SLC35D4: variants seen among roughly 807,000 people sequenced by gnomAD.
The protein encoded by SLC35D4 is UDP-N-acetylglucosamine transporter SLC35D4.
chr18:23,405,796 A>G, the SLC35D4 span, among the ~76,000 whole-genome samples: 1 of 152,182 alleles, frequency 6.6e-6, no homozygotes, highest in South Asian at 2.1e-4. Flanking sequence ...CTGCTCAGGA[A>G]TAAGGATTTG....
chr18:23,239,368 A>G, the SLC35D4 span, among the ~76,000 whole-genome samples: 159 of 152,344 alleles, frequency 1.0e-3, no homozygotes, highest in Middle Eastern at 3.4e-3. Context: ...CTGGAGACCT[A>G]TGTTTCCTAT....
At chr18:23,295,071 C>G in the SLC35D4 span, among the ~76,000 whole-genome samples, 1 of 151,828 alleles carries the variant, frequency 6.6e-6, no homozygotes, top group Non-Finnish European at 1.5e-5. Context: ...TAGAGTTTTA[C>G]AGGAGCAAGA....
the SLC35D4 span, among the ~76,000 whole-genome samples, chr18:23,306,748 TG>T: frequency 3.3e-5 from 5 of 152,140 alleles, 1 homozygote; most frequent in South Asian, 4.2e-4. Flanking sequence ...TGCTATTCCA[TG>T]GGGGGGAAAA....
At chr18:23,344,327 G>A in the SLC35D4 span, among the ~76,000 whole-genome samples, 1 of 152,204 alleles carries the variant, frequency 6.6e-6, no homozygotes, top group African/African-American at 2.4e-5. Flanking sequence ...ACATGTGCAT[G>A]TGTCTTTATG....
the SLC35D4 span, among the ~76,000 whole-genome samples, chr18:23,360,777 T>C: frequency 6.6e-6 from 1 of 152,118 alleles, no homozygotes; most frequent in Non-Finnish European, 1.5e-5. Flanking sequence ...AAAATGTTTT[T>C]AAAGTACTAC....
chr18:23,255,826 A>G, the SLC35D4 span, among the ~76,000 whole-genome samples: 3 of 152,048 alleles, frequency 2.0e-5, no homozygotes, highest in Non-Finnish European at 4.4e-5. Flanking sequence ...CTCCCAAAGT[A>G]CTGGGATTTT....
At chr18:23,434,411 A>G in the SLC35D4 span, among the ~76,000 whole-genome samples, 1 of 152,172 alleles carries the variant, frequency 6.6e-6, no homozygotes, top group African/African-American at 2.4e-5. Context: ...TTCAGATTAT[A>G]TATTCCTGGG....
At chr18:23,291,441 AG>A in the SLC35D4 span, among the ~76,000 whole-genome samples, 25 of 152,376 alleles carry the variant, frequency 1.6e-4, no homozygotes, top group African/African-American at 5.0e-4. Context: ...CTTTTGTGGC[AG>A]GAATTCATTC....
At chr18:23,275,096 TTGTG>T in the SLC35D4 span, among the ~76,000 whole-genome samples, 25 of 149,898 alleles carry the variant, frequency 1.7e-4, no homozygotes, top group Non-Finnish European at 2.8e-4. Context: ...GTGTGCGTGC[TTGTG>T]TGTTTTTGTG....
At chr18:23,382,960 C>T in the SLC35D4 span, among the ~76,000 whole-genome samples, 3 of 152,182 alleles carry the variant, frequency 2.0e-5, no homozygotes, top group Non-Finnish European at 4.4e-5. Flanking sequence ...GTAGAGGAGG[C>T]ACAGACTTGG....
the SLC35D4 span, among the ~76,000 whole-genome samples, chr18:23,303,161 G>A: frequency 6.6e-6 from 1 of 152,208 alleles, no homozygotes; most frequent in African/African-American, 2.4e-5. Flanking sequence ...CCTAGTATAT[G>A]GACAAGGCAG....
At chr18:23,322,486 G>A in the SLC35D4 span, among the ~76,000 whole-genome samples, 2 of 152,156 alleles carry the variant, frequency 1.3e-5, no homozygotes, top group Non-Finnish European at 2.9e-5. Flanking sequence ...CAATCTTCCT[G>A]GCACAGTTAT....
At chr18:23,246,493 G>A in the SLC35D4 span, among the ~76,000 whole-genome samples, 13 of 151,904 alleles carry the variant, frequency 8.6e-5, no homozygotes, top group African/African-American at 1.5e-4. Context: ...CCGGGTTCAC[G>A]CCATTCTCCT....
At chr18:23,316,144 G>T in the SLC35D4 span, among the ~76,000 whole-genome samples, 2 of 152,192 alleles carry the variant, frequency 1.3e-5, no homozygotes, top group African/African-American at 4.8e-5. Context: ...CAGCCACAAG[G>T]CTCCAGAATG....
At chr18:23,404,332 G>C in the SLC35D4 span, among the ~76,000 whole-genome samples, 1 of 152,172 alleles carries the variant, frequency 6.6e-6, no homozygotes, top group Non-Finnish European at 1.5e-5. Flanking sequence ...TGTGGGAAGT[G>C]ATTATGCCAT....
the SLC35D4 span, among the ~76,000 whole-genome samples, chr18:23,304,595 T>C: frequency 6.6e-6 from 1 of 151,840 alleles, no homozygotes; most frequent in African/African-American, 2.4e-5. Flanking sequence ...CATGTACACA[T>C]ATACATATCT....
chr18:23,391,852 T>C, the SLC35D4 span, among the ~76,000 whole-genome samples: 1 of 152,316 alleles, frequency 6.6e-6, no homozygotes, highest in South Asian at 2.1e-4. Flanking sequence ...TGTAATTATG[T>C]TGTGAGATAC....
chr18:23,310,532 T>A, the SLC35D4 span, among the ~76,000 whole-genome samples: 1 of 152,220 alleles, frequency 6.6e-6, no homozygotes, highest in Non-Finnish European at 1.5e-5. Context: ...GTCTTCCACA[T>A]CCTGCAGGTC....
the SLC35D4 span, among the ~76,000 whole-genome samples, chr18:23,242,999 T>G: frequency 6.6e-6 from 1 of 151,272 alleles, no homozygotes; most frequent in African/African-American, 2.4e-5. Flanking sequence ...TCCCCCAATA[T>G]ACATACAGTA....
Sources: gnomAD v4.1 joint callset for allele counts (sites outside exome capture counted in the v4.1 genomes callset) on GRCh38, gnomAD v4.1.1 for gene constraint, MANE v1.5 for transcripts, NCBI Gene and HGNC (gene_info 2026-07-23, HGNC 2026-07-21) for gene names.